UBE2R2: variants seen among roughly 807,000 people sequenced by gnomAD.
UBE2R2 encodes the protein ubiquitin conjugating enzyme E2 R2.
UBE2R2 carries 1 observed loss-of-function variant against 27.8 expected under a neutral mutation model. The ratio of observed to expected loss-of-function variants is 0.04; its 90% CI spans 0.01 to 0.17. The LOEUF is 0.17. UBE2R2 is among the 10% of genes least tolerant of loss of function. UBE2R2 has a pLI of 1.00. For missense variants in UBE2R2, 100 were observed against 291.0 expected (o/e 0.34, Z 4.78); for synonymous variants, 106 against 113.3 (o/e 0.94, Z 0.41).
At chr9:33,881,579 CT>C (rs1821733298) in intron 1 of UBE2R2, among the ~76,000 whole-genome samples, 1 of 152,174 alleles carries the variant, frequency 6.6e-6, no homozygotes, top group African/African-American at 2.4e-5. Context: ...ATTTCTCCGT[CT>C]TTCCTCATTT....
chr9:33,845,092 A>G (rs149968440), intron 1 of UBE2R2, among the ~76,000 whole-genome samples: 2 of 151,984 alleles, frequency 1.3e-5, no homozygotes, highest in Non-Finnish European at 2.9e-5. Flanking sequence ...TTTTTAATCA[A>G]CTGTTGATGT....
At chr9:33,879,683 A>G (rs570962166) in intron 1 of UBE2R2, among the ~76,000 whole-genome samples, 43 of 149,610 alleles carry the variant, frequency 2.9e-4, no homozygotes, top group Non-Finnish European at 5.0e-4. Context: ...AACTCAAGCA[A>G]CCTGCCCACC....
chr9:33,878,192 T>C (rs1821657130), intron 1 of UBE2R2, among the ~76,000 whole-genome samples: 1 of 152,206 alleles, frequency 6.6e-6, no homozygotes, highest in South Asian at 2.1e-4. Flanking sequence ...GAAACTGAGA[T>C]ATAAATTAAG....
At chr9:33,827,296 T>C (rs1587425644) in intron 1 of UBE2R2, among the ~76,000 whole-genome samples, 1 of 152,114 alleles carries the variant, frequency 6.6e-6, no homozygotes, top group African/African-American at 2.4e-5. Context: ...GCCATTGTAC[T>C]CTAGCTGGGT....
chr9:33,880,835 T>A (rs906255020), intron 1 of UBE2R2, among the ~76,000 whole-genome samples: 1 of 152,120 alleles, frequency 6.6e-6, no homozygotes, highest in African/African-American at 2.4e-5. Context: ...TGAGTGTTCC[T>A]TATGAGAATC....
chr9:33,870,633 A>C (rs1821466782), intron 1 of UBE2R2, among the ~76,000 whole-genome samples: 1 of 152,148 alleles, frequency 6.6e-6, no homozygotes, highest in Admixed American at 6.5e-5. Context: ...AAGAAGACAA[A>C]ATGATAAATG....
intron 1 of UBE2R2, among the ~76,000 whole-genome samples, chr9:33,871,906 T>C (rs988051626): frequency 6.6e-6 from 1 of 151,824 alleles, no homozygotes; most frequent in Non-Finnish European, 1.5e-5. Context: ...TAGAGACGTG[T>C]TTTCACCATG....
intron 1 of UBE2R2, among the ~76,000 whole-genome samples, chr9:33,863,098 G>T (rs1488762093): frequency 6.7e-6 from 1 of 150,104 alleles, no homozygotes. Flanking sequence ...TGAGGCAGGA[G>T]AATCCCTTGA....
chr9:33,917,768 T>G lies in UBE2R2; in HGVS notation c.*531T>G, dbSNP rs1190210050. On this transcript the variant is annotated 3_prime_UTR_variant, in exon 5 of 5. Transcript: ENST00000263228. The stretch of plus-strand genomic sequence containing the variant: ...ATTTACATTAGTGTGTGTGCATTCG[T>G]TCAGCCCCATGGTGGTGAATTCTGT... The G allele has an allele frequency of 6.3e-6, 1 of 158,192 alleles. No individual in the cohort carries two copies. The highest frequency in any genetic ancestry group is 1.4e-5 in the Non-Finnish European group (1 of 71,378). The allele number at this position is 158,192 out of a possible 1,614,324, so 9.8% of individuals were successfully genotyped here.
At chr9:33,883,871 G>T (rs1473881177) in intron 1 of UBE2R2, among the ~76,000 whole-genome samples, 2 of 150,614 alleles carry the variant, frequency 1.3e-5, no homozygotes, top group Non-Finnish European at 3.0e-5. Context: ...TCATCAAAAG[G>T]AATGAACAGG....
At chr9:33,858,439 G>A (rs1821155416) in intron 1 of UBE2R2, among the ~76,000 whole-genome samples, 1 of 151,862 alleles carries the variant, frequency 6.6e-6, no homozygotes, top group Non-Finnish European at 1.5e-5. Flanking sequence ...TCCTCAGACG[G>A]TGTCTCACTT....
At chr9:33,897,821 G>A (rs1822153548) in intron 2 of UBE2R2, among the ~76,000 whole-genome samples, 1 of 136,564 alleles carries the variant, frequency 7.3e-6, no homozygotes. Flanking sequence ...TGTTGCCCAA[G>A]CTGGAGTGCA....
At chr9:33,846,042 C>T (rs542592142) in intron 1 of UBE2R2, among the ~76,000 whole-genome samples, 77 of 151,186 alleles carry the variant, frequency 5.1e-4, no homozygotes, top group Non-Finnish European at 8.4e-4. Flanking sequence ...AGGAAAATGG[C>T]GTGAACTCGG....
At chr9:33,856,064 A>C (rs936347606) in intron 1 of UBE2R2, among the ~76,000 whole-genome samples, 2 of 152,132 alleles carry the variant, frequency 1.3e-5, no homozygotes, top group African/African-American at 4.8e-5. Flanking sequence ...AAAACCAAAC[A>C]AAACCTTATA....
intron 1 of UBE2R2, among the ~76,000 whole-genome samples, chr9:33,821,602 T>G (rs1301927319): frequency 6.6e-6 from 1 of 152,052 alleles, no homozygotes; most frequent in African/African-American, 2.4e-5. Context: ...TCTTTTATGA[T>G]ATGCATAACA....
intron 2 of UBE2R2, among the ~76,000 whole-genome samples, chr9:33,895,638 GAA>G (rs1564002791): frequency 6.6e-6 from 1 of 152,044 alleles, no homozygotes; most frequent in Non-Finnish European, 1.5e-5. Flanking sequence ...TCAAACTGGG[GAA>G]TAGAACCATC....
chr9:33,833,150 C>T (rs1254477140), intron 1 of UBE2R2, among the ~76,000 whole-genome samples: 3 of 152,130 alleles, frequency 2.0e-5, no homozygotes, highest in Non-Finnish European at 4.4e-5. Flanking sequence ...GTGAAACCTC[C>T]GCCTCCTGGG....
At chr9:33,891,056 T>TG (rs1554676139) in intron 2 of UBE2R2, among the ~76,000 whole-genome samples, 1 of 130,268 alleles carries the variant, frequency 7.7e-6, no homozygotes, top group Middle Eastern at 3.7e-3. Context: ...TGTTTTTTTG[T>TG]TTTTTTTTTT....
intron 3 of UBE2R2, among the ~76,000 whole-genome samples, chr9:33,903,158 G>T (rs1248352824): frequency 6.6e-6 from 1 of 152,058 alleles, no homozygotes; most frequent in East Asian, 1.9e-4. Flanking sequence ...ATGTTTGAGG[G>T]TGCTACGTCT....
Sources: allele counts gnomAD v4.1 joint callset (sites outside exome capture counted in the v4.1 genomes callset), GRCh38; gene constraint gnomAD v4.1.1; transcripts MANE v1.5; gene names NCBI Gene and HGNC (gene_info 2026-07-23, HGNC 2026-07-21).